GPC5: variants seen among roughly 807,000 people sequenced by gnomAD.
GPC5 encodes glypican 5, also known as glypican-5.
A neutral mutation model predicts 53.9 loss-of-function variants in GPC5; 47 were observed. The ratio of observed to expected loss-of-function variants is 0.87; its 90% confidence interval spans 0.69 to 1.11. The LOEUF (loss-of-function observed/expected upper bound fraction) is 1.11, where lower values mean the gene tolerates loss of function less well. Ranked by LOEUF, GPC5 falls within the 50% of genes most tolerant of loss-of-function variation. The pLI, the probability that GPC5 is intolerant of heterozygous loss-of-function variation, is 0.00. For missense variants in GPC5, 748 were observed against 713.1 expected (o/e 1.05, Z -0.56); for synonymous variants, 286 against 263.3 (o/e 1.09, Z -0.84).
At chr13:92,709,327 G>C (rs1456986183) in intron 7 of GPC5, among the ~76,000 whole-genome samples, 5 of 151,366 alleles carry the variant, frequency 3.3e-5, no homozygotes, top group African/African-American at 1.2e-4. Flanking sequence ...TCAAAGTCCT[G>C]GAAGTACAGG....
intron 6 of GPC5, among the ~76,000 whole-genome samples, chr13:92,076,078 A>ATTTT (rs34708469): frequency 6.8e-6 from 1 of 146,070 alleles, no homozygotes; most frequent in Non-Finnish European, 1.5e-5. Flanking sequence ...CGAAAGTATA[A>ATTTT]TTTTTTTTTT....
At chr13:92,583,684 C>T (rs550693138) in intron 7 of GPC5, among the ~76,000 whole-genome samples, 1 of 152,304 alleles carries the variant, frequency 6.6e-6, no homozygotes, top group African/African-American at 2.4e-5. Context: ...AGGCAAGAAG[C>T]TATCCAGAAG....
chr13:91,406,998 G>A lies in GPC5; in HGVS notation c.163+7789G>A, dbSNP rs142442028. 3.6e-3 allele frequency among the ~76,000 whole-genome samples: 541 copies of A among 152,196 alleles called. 5 individuals carry two copies. The highest frequency in any genetic ancestry group is 0.012 in the African/African-American group (504 of 41,492). On this transcript the variant is annotated intron_variant, in intron 1 of 7. Transcript: ENST00000377067. ...ATTTCTTTCTTTTTACTAGACTATA[G>A]GCTATTTGAGAGCAGGATCTGTGAT...
At chr13:92,238,108 T>C (rs1262358029) in intron 7 of GPC5, among the ~76,000 whole-genome samples, 1 of 152,090 alleles carries the variant, frequency 6.6e-6, no homozygotes, top group Non-Finnish European at 1.5e-5. Flanking sequence ...TTGTTTGTTA[T>C]AAAAACGCTC....
chr13:92,533,746 T>G (rs539686211), intron 7 of GPC5, among the ~76,000 whole-genome samples: 1 of 152,266 alleles, frequency 6.6e-6, no homozygotes, highest in Admixed American at 6.5e-5. Flanking sequence ...GCAAAAGGAC[T>G]AGACAGAGGA....
At chr13:91,722,006 T>C (rs1288304660) in intron 3 of GPC5, among the ~76,000 whole-genome samples, 1 of 152,228 alleles carries the variant, frequency 6.6e-6, no homozygotes, top group Admixed American at 6.5e-5. Context: ...TATTCCCATC[T>C]ACTACAATAA....
intron 7 of GPC5, among the ~76,000 whole-genome samples, chr13:92,811,452 C>A (rs1396462050): frequency 6.6e-6 from 1 of 151,858 alleles, no homozygotes; most frequent in Non-Finnish European, 1.5e-5. Context: ...AGCACCTTGA[C>A]AATTTTTTAA....
At chr13:92,034,594 T>C (rs1692791375) in intron 6 of GPC5, among the ~76,000 whole-genome samples, 1 of 152,186 alleles carries the variant, frequency 6.6e-6, no homozygotes, top group African/African-American at 2.4e-5. Context: ...GGAGATTTGA[T>C]AGGAATGGAT....
intron 7 of GPC5, among the ~76,000 whole-genome samples, chr13:92,557,491 T>G (rs1882537464): frequency 1.3e-5 from 2 of 151,988 alleles, no homozygotes; most frequent in African/African-American, 4.8e-5. Flanking sequence ...ACACCTTGTG[T>G]AGCATAGAAA....
intron 7 of GPC5, among the ~76,000 whole-genome samples, chr13:92,433,316 C>A (rs1050265432): frequency 1.3e-5 from 2 of 151,916 alleles, no homozygotes; most frequent in African/African-American, 4.8e-5. Flanking sequence ...GTTTGGTAGA[C>A]AAAAGAGGAG....
At position 92,188,832 on chromosome 13, in the gene GPC5, A is replaced by G. The variant is rs180684617; in HGVS notation, c.1561+43843A>G. Among the ~76,000 whole-genome samples, 26 of 152,330 alleles carry G rather than the reference A, an allele frequency of 1.7e-4. No individual in the cohort carries two copies. The East Asian group carries it at 3.7e-3, about 21-fold the overall frequency. On this transcript the variant is annotated intron_variant, in intron 7 of 7. Transcript: ENST00000377067. ...GCATCTAAGAAATTTGCACATCACC[A>G]TGCCACCCGACAGCAGGTGAAAAGC...
chr13:92,433,693 C>G (rs7989492), intron 7 of GPC5, among the ~76,000 whole-genome samples: 1 of 151,714 alleles, frequency 6.6e-6, no homozygotes, highest in African/African-American at 2.4e-5. Flanking sequence ...GCAATCAGTA[C>G]ATGAATTATA....
chr13:92,018,095 T>C (rs1460699034), intron 6 of GPC5, among the ~76,000 whole-genome samples: 3 of 152,136 alleles, frequency 2.0e-5, no homozygotes, highest in African/African-American at 4.8e-5. Context: ...AACTGGTATC[T>C]GGAGCAAATT....
chr13:92,631,468 T>C (rs1387151326), intron 7 of GPC5, among the ~76,000 whole-genome samples: 1 of 152,162 alleles, frequency 6.6e-6, no homozygotes, highest in African/African-American at 2.4e-5. Context: ...GCATTTGCTT[T>C]GAGAAACACA....
At chr13:91,540,970 TG>T (rs2029892496) in intron 2 of GPC5, among the ~76,000 whole-genome samples, 1 of 152,190 alleles carries the variant, frequency 6.6e-6, no homozygotes, top group South Asian at 2.1e-4. Context: ...ACTGCATTTT[TG>T]GTGAACGATG....
chr13:91,847,367 G>A (rs2038863186), intron 5 of GPC5, among the ~76,000 whole-genome samples: 1 of 152,010 alleles, frequency 6.6e-6, no homozygotes, highest in South Asian at 2.1e-4. Flanking sequence ...GTGTGTGTGT[G>A]TGTGTGTATG....
At chr13:91,582,816 C>T (rs939342952) in intron 2 of GPC5, among the ~76,000 whole-genome samples, 5 of 152,054 alleles carry the variant, frequency 3.3e-5, no homozygotes, top group African/African-American at 1.2e-4. Context: ...TGTTCGAGGC[C>T]AGTCTGGCCA....
chr13:92,599,467 G>A (rs141052186), intron 7 of GPC5, among the ~76,000 whole-genome samples: 59 of 152,254 alleles, frequency 3.9e-4, no homozygotes, highest in Non-Finnish European at 6.6e-4. Context: ...TGTGTTTGAG[G>A]AGCTGAACAC....
At chr13:92,595,787 A>C (rs1449612247) in intron 7 of GPC5, among the ~76,000 whole-genome samples, 1 of 150,640 alleles carries the variant, frequency 6.6e-6, no homozygotes, top group East Asian at 2.0e-4. Flanking sequence ...AAAAAAAAAA[A>C]GATAGTATTT....
Sources: allele counts gnomAD v4.1 joint callset (sites outside exome capture counted in the v4.1 genomes callset), GRCh38; gene constraint gnomAD v4.1.1; transcripts MANE v1.5; gene names NCBI Gene and HGNC (gene_info 2026-07-23, HGNC 2026-07-21).